Variants in VRTN observed in about 807,000 individuals in gnomAD.
The protein encoded by VRTN is vertnin.
Under a neutral mutation model 18.2 loss-of-function variants are expected in VRTN, and 5 were observed. That is an observed-to-expected ratio of 0.27 (90% CI 0.14 to 0.58). The LOEUF is 0.58. VRTN is among the 20% of genes least tolerant of loss of function. The pLI is 0.91. For synonymous variants in VRTN, 381 were observed against 393.7 expected (o/e 0.97, Z 0.38); for missense variants, 741 against 939.4 (o/e 0.79, Z 2.76).
Position 74,357,617 on chromosome 14 carries a change from T to G in VRTN, c.834T>G (p.Pro278=), listed in dbSNP as rs754271546. Residue 278 remains proline (P), a synonymous_variant, in exon 2 of 2, where the codon CCT becomes CCG. Transcript: ENST00000256362. This position sits in a 1 kb window ranked among gnomAD's most constrained non-coding sequence, Gnocchi z 7.8. ...AKTLELLNRE[P]GLSYSHLCER... ...CCCTGGAGCTGCTCAACCGTGAACC[T>G]GGCCTCAGCTACTCTCACCTCTGTG... 2.5e-6 allele frequency: 4 copies of G among 1,613,880 alleles called. No homozygotes were observed. Among genetic ancestry groups the G allele is most frequent in the East Asian group, 2.2e-5 (1 of 44,882 alleles).
Position 74,330,921 on chromosome 14 carries a change from C to G in VRTN, c.-163-6802C>G, listed in dbSNP as rs989923662. 9.3e-5 allele frequency among the ~76,000 whole-genome samples: 14 copies of G among 150,288 alleles called. No individual in the cohort carries two copies. The East Asian group carries it at 2.8e-3, about 30-fold the overall frequency. On this transcript the variant is annotated intron_variant, in intron 1 of 2. Transcript: ENST00000557177. Reference sequence around the variant, plus strand: ...GCATGAATAAAACACAAGTCTGGGCCGGGCACGGTGGCTCACGCCTGTAAT... The same window carrying G: ...GCATGAATAAAACACAAGTCTGGGCGGGGCACGGTGGCTCACGCCTGTAAT...
chr14:74,351,728 A>G (rs528814992), intron 1 of VRTN, among the ~76,000 whole-genome samples: 2 of 151,922 alleles, frequency 1.3e-5, no homozygotes, highest in African/African-American at 4.8e-5. Context: ...CTATCTGCCC[A>G]CTTCAGCCTC....
intron 1 of VRTN, among the ~76,000 whole-genome samples, chr14:74,314,903 C>CT (rs2085410399): frequency 2.0e-5 from 3 of 152,088 alleles, no homozygotes; most frequent in Non-Finnish European, 4.4e-5. Flanking sequence ...AAATGAAGGT[C>CT]TTATGGTCTA....
intron 1 of VRTN, among the ~76,000 whole-genome samples, chr14:74,331,488 C>T (rs1281424644): frequency 1.4e-5 from 2 of 138,972 alleles, no homozygotes; most frequent in Non-Finnish European, 3.1e-5. Context: ...AAGATTGCAC[C>T]ATTGCACTCC....
At chr14:74,308,890 T>G (rs947555363) in intron 1 of VRTN, among the ~76,000 whole-genome samples, 26 of 150,182 alleles carry the variant, frequency 1.7e-4, no homozygotes, top group Non-Finnish European at 3.0e-5. Flanking sequence ...TTTGAGACAG[T>G]CTTGCTCTGT....
intron 1 of VRTN, among the ~76,000 whole-genome samples, chr14:74,328,513 A>G (rs535827329): frequency 6.6e-6 from 1 of 152,242 alleles, no homozygotes; most frequent in South Asian, 2.1e-4. Flanking sequence ...TTTGCAAAAC[A>G]TACACACATT....
intron 1 of VRTN, among the ~76,000 whole-genome samples, chr14:74,323,536 G>T (rs576394840): frequency 3.4e-4 from 51 of 151,400 alleles, no homozygotes; most frequent in African/African-American, 1.1e-3. Context: ...GTGAGCCAAG[G>T]TCGCCCCACT....
At chr14:74,331,181 G>A (rs1010947304) in intron 1 of VRTN, among the ~76,000 whole-genome samples, 49 of 147,296 alleles carry the variant, frequency 3.3e-4, no homozygotes, top group Non-Finnish European at 1.6e-4. Flanking sequence ...CAGACTGGGG[G>A]ACACGGTGAG....
chr14:74,332,585 G>A (rs1467312937), intron 1 of VRTN, among the ~76,000 whole-genome samples: 7 of 151,616 alleles, frequency 4.6e-5, no homozygotes, highest in African/African-American at 9.7e-5. Context: ...TCGAACTCCC[G>A]ACCTCAGGTG....
At chr14:74,311,254 G>C (rs1271527073) in intron 1 of VRTN, among the ~76,000 whole-genome samples, 3 of 152,102 alleles carry the variant, frequency 2.0e-5, no homozygotes, top group Non-Finnish European at 4.4e-5. Flanking sequence ...TAAAAAATAA[G>C]TTTGTCTTCC....
intron 1 of VRTN, among the ~76,000 whole-genome samples, chr14:74,320,933 C>T (rs1021966057): frequency 1.4e-5 from 2 of 147,248 alleles, no homozygotes; most frequent in African/African-American, 2.5e-5. Flanking sequence ...GCAGCAGCAG[C>T]AGCAGCAGCA....
intron 1 of VRTN, among the ~76,000 whole-genome samples, chr14:74,319,020 A>AT (rs1033733771): frequency 7.2e-4 from 101 of 139,900 alleles, no homozygotes; most frequent in African/African-American, 2.1e-3. Context: ...TGGTCTCGGG[A>AT]TTTTTTTTTG....
At chr14:74,304,182 G>A (rs1266810656) in intron 1 of VRTN, among the ~76,000 whole-genome samples, 2 of 151,554 alleles carry the variant, frequency 1.3e-5, no homozygotes, top group African/African-American at 4.9e-5. Context: ...TTTAGACGGA[G>A]TTTCGCTCTT....
At chr14:74,323,107 TG>T (rs2085466464) in intron 1 of VRTN, among the ~76,000 whole-genome samples, 1 of 151,762 alleles carries the variant, frequency 6.6e-6, no homozygotes, top group Admixed American at 6.6e-5. Flanking sequence ...CACTCCAGCT[TG>T]GGTGACAAAG....
intron 1 of VRTN, among the ~76,000 whole-genome samples, chr14:74,310,361 C>T (rs2085379483): frequency 6.9e-6 from 1 of 145,968 alleles, no homozygotes; most frequent in Middle Eastern, 3.3e-3. Flanking sequence ...CGCGCCATTG[C>T]ACTCCAGCCT....
At chr14:74,312,927 G>C (rs2085397924) in intron 1 of VRTN, among the ~76,000 whole-genome samples, 1 of 152,004 alleles carries the variant, frequency 6.6e-6, no homozygotes, top group Non-Finnish European at 1.5e-5. Context: ...ATTTTTAGTA[G>C]GGACAGGGTT....
chr14:74,312,914 T>G (rs2140192763), intron 1 of VRTN, among the ~76,000 whole-genome samples: 1 of 152,250 alleles, frequency 6.6e-6, no homozygotes, highest in Non-Finnish European at 1.5e-5. Context: ...GGCTAAGTTT[T>G]ATATTTTTAG....
At chr14:74,311,382 C>T (rs1231597232) in intron 1 of VRTN, among the ~76,000 whole-genome samples, 2 of 152,026 alleles carry the variant, frequency 1.3e-5, no homozygotes, top group Non-Finnish European at 2.9e-5. Flanking sequence ...CACAAATACT[C>T]CTTTTCCTTT....
chr14:74,358,577 T>C lies in VRTN; in HGVS notation c.1794T>C (p.Asp598=), dbSNP rs1384739095. ...MAPPVGASSE[D]VEGGPSREGA... Reference sequence around the variant, plus strand: ...CACCTGTGGGGGCTTCTTCAGAAGATGTAGAGGGAGGGCCTTCCAGAGAGG... The same window carrying C: ...CACCTGTGGGGGCTTCTTCAGAAGACGTAGAGGGAGGGCCTTCCAGAGAGG... The change falls in exon 2 of 2, where the codon GAT becomes GAC. Residue 598 remains aspartate, a synonymous_variant. Coordinates refer to ENST00000256362, the MANE Select transcript of VRTN (RefSeq NM_018228.3). The surrounding 1 kb of genome is among the most constrained non-coding windows in gnomAD (Gnocchi z 5.4). 1 of 1,604,864 alleles carries C rather than the reference T, an allele frequency of 6.2e-7. No homozygotes were observed. The highest frequency in any genetic ancestry group is 1.1e-5 in the South Asian group (1 of 89,754).
Sources: allele counts gnomAD v4.1 joint callset (sites outside exome capture counted in the v4.1 genomes callset), GRCh38; gene constraint gnomAD v4.1.1; non-coding constraint Gnocchi (gnomAD v3.1); transcripts MANE v1.5; gene names NCBI Gene and HGNC (gene_info 2026-07-23, HGNC 2026-07-21).